The following CSMD3 variants were observed in gnomAD, a reference collection of about 807,000 sequenced individuals.
The protein encoded by CSMD3 is CUB and Sushi multiple domains 3, also known as CUB and sushi domain-containing protein 3.
CSMD3 carries 177 observed loss-of-function variants against 435.2 expected under a neutral mutation model. The observed-to-expected ratio is 0.41, with a 90% confidence interval of 0.36 to 0.46. The LOEUF is 0.46. Ranked by LOEUF, CSMD3 falls within the 20% of genes least tolerant of loss-of-function variation. The pLI, the probability that CSMD3 is intolerant of heterozygous loss-of-function variation, is 0.34. For synonymous variants in CSMD3, 1,656 were observed against 1,520.5 expected (o/e 1.09, Z -2.07); for missense variants, 4,265 against 4,504.6 (o/e 0.95, Z 1.52).
intron 5 of CSMD3, among the ~76,000 whole-genome samples, chr8:113,077,849 G>A (rs974834080): frequency 6.6e-5 from 10 of 152,124 alleles, no homozygotes; most frequent in African/African-American, 2.2e-4. Context: ...GTATGAAAAT[G>A]AAACATTAAT....
chr8:112,956,786 G>C (rs1261960603), intron 7 of CSMD3, among the ~76,000 whole-genome samples: 5 of 151,912 alleles, frequency 3.3e-5, no homozygotes, highest in African/African-American at 1.2e-4. Flanking sequence ...GTTGGGTAAG[G>C]TTTTCCTGCT....
chr8:112,755,757 G>A (rs1158430038), intron 13 of CSMD3, among the ~76,000 whole-genome samples: 1 of 150,054 alleles, frequency 6.7e-6, no homozygotes, highest in African/African-American at 2.4e-5. Context: ...TGGAGGAAGA[G>A]GAGAGGAAAG....
At position 112,573,570 on chromosome 8, in the gene CSMD3, T is replaced by G. The variant is rs199719748; in HGVS notation, c.3973A>C (p.Asn1325His). 2.5e-6 allele frequency: 4 copies of G among 1,613,396 alleles called. No individual in the cohort carries two copies. In the African/African-American group the frequency reaches 4.0e-5, roughly 16 times the overall value. The change falls in exon 24 of 71, where the codon AAT (asparagine) becomes CAT (histidine). Residue 1325 changes from asparagine (N) to histidine (H), a missense_variant. Asn to His is a moderately conservative substitution (Grantham distance 68). Transcript: ENST00000297405. ...MRGLTLSSTS[N>H]QLWLEFNSDT... Reference sequence around the variant, plus strand: ...GAATTAAATTCTAGCCAGAGTTGATTTGAAGTACTACTAAGTGTCAGTCCG... The same window carrying G: ...GAATTAAATTCTAGCCAGAGTTGATGTGAAGTACTACTAAGTGTCAGTCCG...
chr8:113,070,496 A>G (rs542162681), intron 5 of CSMD3, among the ~76,000 whole-genome samples: 1 of 152,014 alleles, frequency 6.6e-6, no homozygotes, highest in African/African-American at 2.4e-5. Flanking sequence ...AATTGTAGTG[A>G]ATATACAGTA....
intron 1 of CSMD3, among the ~76,000 whole-genome samples, chr8:113,340,370 C>T (rs1250629294): frequency 6.6e-6 from 1 of 152,050 alleles, no homozygotes; most frequent in Non-Finnish European, 1.5e-5. Flanking sequence ...ATATTATACA[C>T]ACCCAGAAGA....
In CSMD3 at chr8:112,976,139, G is replaced by C. The variant is rs149613214; in HGVS notation, c.1040C>G (p.Thr347Arg). The change falls in exon 7 of 71, where the codon ACA becomes AGA. Residue 347 changes from threonine to arginine, a missense_variant. Around this residue, in one of 3 missense-constraint regions of CSMD3, gnomAD observed 731 missense variants for 755.4 expected, o/e 0.97. Coordinates refer to ENST00000297405, the MANE Select transcript of CSMD3 (RefSeq NM_198123.2). ...ACCAGTGGAGGTAGTGTGGGTCAAT[G>C]TAGAAGAACCTGTGGGACACAGTAG... ...GFSAPYQGSS[T>R]LTHTTSTGEL... 6.2e-7 allele frequency: 1 copy of C among 1,613,860 alleles called. No individual in the cohort carries two copies. The highest frequency in any genetic ancestry group is 1.3e-5 in the African/African-American group (1 of 74,926).
At chr8:113,046,323 A>AAAC (rs1179787568) in intron 5 of CSMD3, among the ~76,000 whole-genome samples, 1 of 149,356 alleles carries the variant, frequency 6.7e-6, no homozygotes, top group Non-Finnish European at 1.5e-5. Context: ...AGAAAGAAAC[A>AAAC]AACAACAACA....
intron 5 of CSMD3, among the ~76,000 whole-genome samples, chr8:113,051,259 A>G (rs1022500034): frequency 2.0e-5 from 3 of 152,122 alleles, no homozygotes; most frequent in Admixed American, 6.5e-5. Context: ...TACTGCTTCC[A>G]GTGAGAACAA....
At chr8:112,659,117 G>C (rs913046859) in intron 17 of CSMD3, among the ~76,000 whole-genome samples, 2 of 151,178 alleles carry the variant, frequency 1.3e-5, no homozygotes, top group African/African-American at 4.9e-5. Flanking sequence ...GAAACATAAA[G>C]AGACTTAATT....
At chr8:113,148,171 C>G (rs951621405) in intron 4 of CSMD3, among the ~76,000 whole-genome samples, 1 of 151,750 alleles carries the variant, frequency 6.6e-6, no homozygotes, top group Non-Finnish European at 1.5e-5. Flanking sequence ...CAGCCTCTCA[C>G]TATTCCAAAT....
intron 22 of CSMD3, among the ~76,000 whole-genome samples, chr8:112,599,864 T>C (rs1169243615): frequency 1.7e-5 from 1 of 58,842 alleles, no homozygotes; most frequent in African/African-American, 8.6e-5. Flanking sequence ...CTCTGGGGAC[T>C]GTGGTGGGGT....
At chr8:112,363,562 G>A (rs1194432680) in intron 38 of CSMD3, among the ~76,000 whole-genome samples, 1 of 151,900 alleles carries the variant, frequency 6.6e-6, no homozygotes, top group African/African-American at 2.4e-5. Flanking sequence ...CTGGGTACCA[G>A]GACCAGTGTC....
intron 5 of CSMD3, among the ~76,000 whole-genome samples, chr8:113,032,364 A>G (rs2087148897): frequency 6.6e-6 from 1 of 151,548 alleles, no homozygotes; most frequent in African/African-American, 2.4e-5. Context: ...GTGGTCTCAG[A>G]TGGAGATGAG....
chr8:112,451,334 T>C (rs1328027844), intron 32 of CSMD3, among the ~76,000 whole-genome samples: 8 of 152,102 alleles, frequency 5.3e-5, no homozygotes, highest in African/African-American at 1.9e-4. Flanking sequence ...GGCACGTGTT[T>C]TTAAAAGATT....
intron 45 of CSMD3, among the ~76,000 whole-genome samples, chr8:112,325,785 A>G (rs549678319): frequency 4.6e-5 from 7 of 152,104 alleles, no homozygotes; most frequent in Non-Finnish European, 8.8e-5. Flanking sequence ...TATTTTGAAC[A>G]CTGAAAAACT....
intron 13 of CSMD3, among the ~76,000 whole-genome samples, chr8:112,712,129 C>T (rs1362277802): frequency 6.6e-6 from 1 of 152,094 alleles, no homozygotes; most frequent in Non-Finnish European, 1.5e-5. Flanking sequence ...TTGACCTCTC[C>T]TCCAGTGTTG....
chr8:112,685,971 A>G (rs2076001812), intron 14 of CSMD3, among the ~76,000 whole-genome samples: 1 of 132,014 alleles, frequency 7.6e-6, no homozygotes, highest in African/African-American at 3.3e-5. Flanking sequence ...TTGGAATAAT[A>G]GCAATTTTTT....
intron 13 of CSMD3, among the ~76,000 whole-genome samples, chr8:112,785,342 T>A (rs1249049496): frequency 1.3e-5 from 2 of 151,880 alleles, no homozygotes; most frequent in Non-Finnish European, 2.9e-5. Flanking sequence ...TCTTCTAAGA[T>A]CTGGAGCAAG....
rs752331364 is a variant in CSMD3, at chr8:113,173,791, G to A, written c.640C>T (p.Pro214Ser). 1 of 1,613,716 alleles carries A rather than the reference G, an allele frequency of 6.2e-7. No homozygotes were observed. Among genetic ancestry groups the A allele is most frequent in the Non-Finnish European group, 8.5e-7 (1 of 1,179,714 alleles). Reference sequence around the variant, plus strand: ...GAATTGGCTATGCAGGTGAGCTGAGGGTGGCCATCAAGGATGTATCCAGTT... The same window carrying A: ...GAATTGGCTATGCAGGTGAGCTGAGAGTGGCCATCAAGGATGTATCCAGTT... ...CVTGYILDGH[P>S]QLTCIANSVN... The change falls in exon 4 of 71, where the codon CCT (proline) becomes TCT (serine). Residue 214 changes from proline (P) to serine (S), a missense_variant. Physicochemically the swap from Pro to Ser is moderately conservative, Grantham distance 74. This residue lies in a region of CSMD3 where 731 missense variants were observed against 755.4 expected (regional missense o/e 0.97). Coordinates refer to ENST00000297405, the MANE Select transcript of CSMD3 (RefSeq NM_198123.2).
Sources: gnomAD v4.1 joint callset for allele counts (sites outside exome capture counted in the v4.1 genomes callset) on GRCh38, gnomAD v4.1.1 for gene constraint, gnomAD v4.1.1 regional missense constraint, MANE v1.5 for transcripts, NCBI Gene and HGNC (gene_info 2026-07-23, HGNC 2026-07-21) for gene names.